Variants in GCNT2 observed in about 807,000 individuals in gnomAD.
GCNT2 encodes N-acetyllactosaminide beta-1,6-N-acetylglucosaminyl-transferase.
A neutral mutation model predicts 34.2 loss-of-function variants in GCNT2; 34 were observed. The observed-to-expected ratio is 1.00, with a 90% confidence interval of 0.76 to 1.32. The LOEUF (loss-of-function observed/expected upper bound fraction) is 1.32. Ranked by LOEUF, GCNT2 falls within the 40% of genes most tolerant of loss-of-function variation. GCNT2 has a pLI of 0.00. For missense variants in GCNT2, 584 were observed against 489.4 expected (o/e 1.19, Z -1.82); for synonymous variants, 212 against 188.0 (o/e 1.13, Z -1.04).
At chr6:10,601,268 G>A (rs963895180) in intron 3 of GCNT2, among the ~76,000 whole-genome samples, 5 of 152,120 alleles carry the variant, frequency 3.3e-5, no homozygotes, top group Non-Finnish European at 5.9e-5. Flanking sequence ...AGTAAGTACA[G>A]CATTTAATTA....
At chr6:10,614,309 T>C (rs1470056699) in intron 3 of GCNT2, among the ~76,000 whole-genome samples, 1 of 151,726 alleles carries the variant, frequency 6.6e-6, no homozygotes. Flanking sequence ...GAAGGGCAAA[T>C]TGAAATGGGT....
In GCNT2 at chr6:10,529,902, C is replaced by T. The variant is rs138813902; in HGVS notation, c.925+66C>T. On this transcript the variant is annotated intron_variant, in intron 3 of 4. Transcript: ENST00000495262. ...TGCATGGTCAATACTAAATAAGTTG[C>T]TTTGAAAAGAGTGGAAAAAATGGGA... is the stretch of plus-strand genomic sequence containing the variant. 1,085 of 1,293,630 alleles carry T rather than the reference C, an allele frequency of 8.4e-4. 9 individuals are homozygous for T. In the African/African-American group the frequency reaches 0.015, roughly 17 times the overall value. The allele number at this position is 1,293,630 out of a possible 1,614,324, so 80.1% of individuals were successfully genotyped here. A position where few individuals can be genotyped will look rare whatever the true frequency, so the allele number is the denominator to read the frequency against.
intron 3 of GCNT2, among the ~76,000 whole-genome samples, chr6:10,598,027 G>A (rs1764934147): frequency 2.0e-5 from 3 of 152,090 alleles, no homozygotes; most frequent in Admixed American, 2.0e-4. Flanking sequence ...GTAGATAACT[G>A]TTTGGCCTTG....
intron 1 of GCNT2, chr6:10,521,669 A>G (rs1760922256): frequency 6.6e-6 from 1 of 151,402 alleles, no homozygotes; most frequent in African/African-American, 2.4e-5. Context: ...TTTTTTTTCA[A>G]AGAATAGCAT....
chr6:10,598,723 ACAAGGCTAGTGTAGTGTATT>A (rs1297121612), intron 3 of GCNT2, among the ~76,000 whole-genome samples: 3 of 152,192 alleles, frequency 2.0e-5, no homozygotes, highest in African/African-American at 7.2e-5. Context: ...GCTGAGCTGG[ACAAGGCTAGTGTAGTGTATT>A]CAGTGCTGGG....
intron 3 of GCNT2, among the ~76,000 whole-genome samples, chr6:10,536,724 G>C (rs1239897685): frequency 7.4e-6 from 1 of 135,548 alleles, no homozygotes; most frequent in African/African-American, 2.9e-5. Context: ...TTTTTTTTGA[G>C]ATGGAGTCTC....
At chr6:10,575,957 C>T (rs1344592529) in intron 3 of GCNT2, among the ~76,000 whole-genome samples, 1 of 152,166 alleles carries the variant, frequency 6.6e-6, no homozygotes, top group Non-Finnish European at 1.5e-5. Flanking sequence ...TTTGCTGACT[C>T]TCTTTTCAGA....
chr6:10,563,943 G>T (rs959567398), intron 3 of GCNT2, among the ~76,000 whole-genome samples: 3 of 151,830 alleles, frequency 2.0e-5, no homozygotes, highest in African/African-American at 4.8e-5. Context: ...TTCATTGAAT[G>T]ATTGCAATTA....
chr6:10,556,629 A>C (rs769512908), intron 3 of GCNT2: 2 of 1,614,174 alleles, frequency 1.2e-6, no homozygotes, highest in Non-Finnish European at 1.7e-6. Context: ...ATCCATGAGA[A>C]GTCTTCTTGC....
chr6:10,535,493 C>T (rs1761712859), intron 3 of GCNT2, among the ~76,000 whole-genome samples: 2 of 152,154 alleles, frequency 1.3e-5, no homozygotes, highest in Admixed American at 6.5e-5. Context: ...ATTTATAAGC[C>T]CAAGATGCAA....
rs1761315057 is a variant in GCNT2 at position 10,528,648 on chromosome 6, G to A, written c.-264G>A. ...TTGTGTAGACACAGGTTGCAGGTTA[G>A]CAGGAGAACAGGCAAGCCAAATGCA... On this transcript the variant is annotated 5_prime_UTR_variant, in exon 3 of 5. Coordinates refer to ENST00000495262, the MANE Select transcript of GCNT2 (RefSeq NM_145649.5). The A allele has an allele frequency of 1.7e-5, 9 of 527,744 alleles. No individual in the cohort carries two copies. Among genetic ancestry groups the A allele is most frequent in the Admixed American group, 3.2e-5 (1 of 31,524 alleles). 32.7% of individuals were successfully genotyped at this position (527,744 alleles called of 1,614,324 possible). A position where few individuals can be genotyped will look rare whatever the true frequency, so the allele number is the denominator to read the frequency against.
rs1283553006 is a variant in GCNT2, at chr6:10,530,823, AGTG to A, written c.925+989_925+991del. Among the ~76,000 whole-genome samples the A allele has an allele frequency of 3.9e-5, 6 of 152,008 alleles. No homozygotes were observed. In the East Asian group the frequency reaches 1.2e-3, roughly 29 times the overall value. ...TAATCCCAGCACTTTGGGAGGCTGA[AGTG>A]GGCGGATCACAAGGTCAGGAGTTCG... On this transcript the variant is annotated intron_variant, in intron 3 of 4. Coordinates refer to ENST00000495262, the MANE Select transcript of GCNT2 (RefSeq NM_145649.5).
At chr6:10,625,975 GCT>G (rs1394416847) in intron 4 of GCNT2, among the ~76,000 whole-genome samples, 1 of 152,114 alleles carries the variant, frequency 6.6e-6, no homozygotes, top group Admixed American at 6.6e-5. Context: ...AAAGATATAT[GCT>G]CTCTTTCTTT....
In GCNT2 at chr6:10,617,848, A is replaced by G. The variant is rs555114042; in HGVS notation, c.926-3503A>G. Reference sequence around the variant, plus strand: ...CGGCTCACTGCAACCTCCACCTCCCAGGTTCAAACAATTCTTCTGCCTCAG... The same window carrying G: ...CGGCTCACTGCAACCTCCACCTCCCGGGTTCAAACAATTCTTCTGCCTCAG... On this transcript the variant is annotated intron_variant, in intron 3 of 4. Coordinates refer to ENST00000495262, the MANE Select transcript of GCNT2 (RefSeq NM_145649.5). Among the ~76,000 whole-genome samples the G allele has an allele frequency of 3.4e-5, 5 of 145,118 alleles. No homozygotes were observed. The South Asian group carries it at 1.1e-3, about 31-fold the overall frequency.
intron 3 of GCNT2, among the ~76,000 whole-genome samples, chr6:10,570,011 C>T (rs1409238902): frequency 6.6e-6 from 1 of 151,528 alleles, no homozygotes; most frequent in Non-Finnish European, 1.5e-5. Context: ...ACTCTGTCAC[C>T]CAGGCTGGAG....
intron 3 of GCNT2, among the ~76,000 whole-genome samples, chr6:10,543,508 G>A (rs1249170398): frequency 2.6e-5 from 4 of 152,114 alleles, no homozygotes; most frequent in Non-Finnish European, 5.9e-5. Context: ...TTAATTCTAT[G>A]TTTAACATTT....
chr6:10,528,032 A>G lies in GCNT2; in HGVS notation c.-282+372A>G, dbSNP rs147031644. 6.3e-3 allele frequency among the ~76,000 whole-genome samples: 956 copies of G among 152,192 alleles called. 14 individuals carry two copies. Among genetic ancestry groups the G allele is most frequent in the African/African-American group, 0.022 (902 of 41,536 alleles). Reference sequence around the variant, plus strand: ...GGGCAAAATAAACTTGAAATTCACTATGTTAGCCTGTATGCAATTTTGGGT... The same window carrying G: ...GGGCAAAATAAACTTGAAATTCACTGTGTTAGCCTGTATGCAATTTTGGGT... On this transcript the variant is annotated intron_variant, in intron 2 of 4. Transcript: ENST00000495262.
chr6:10,600,017 A>C (rs1305446363), intron 3 of GCNT2, among the ~76,000 whole-genome samples: 1 of 152,182 alleles, frequency 6.6e-6, no homozygotes, highest in Non-Finnish European at 1.5e-5. Context: ...AAGTGGAGAA[A>C]CCAGGCACAG....
rs1006000545 is a variant in GCNT2 at position 10,577,634 on chromosome 6, G to C, written c.926-43717G>C. On this transcript the variant is annotated intron_variant, in intron 3 of 4. Transcript: ENST00000495262. ...CGGCTCCCTGAAACCTTCGCCTCCT[G>C]GGTTCAAGTGATTCTCCTACCACAG... Among the ~76,000 whole-genome samples, 5 of 152,200 alleles carry C rather than the reference G, an allele frequency of 3.3e-5. No individual in the cohort carries two copies. In the East Asian group the frequency reaches 7.7e-4, roughly 24 times the overall value.
Sources: allele counts gnomAD v4.1 joint callset (sites outside exome capture counted in the v4.1 genomes callset), GRCh38; gene constraint gnomAD v4.1.1; transcripts MANE v1.5; gene names NCBI Gene and HGNC (gene_info 2026-07-23, HGNC 2026-07-21).